The following LRMDA variants were observed in gnomAD, a reference collection of about 807,000 sequenced individuals.
LRMDA encodes leucine rich melanocyte differentiation associated, also known as leucine-rich melanocyte differentiation-associated protein.
LRMDA carries 18 observed loss-of-function variants against 29.8 expected under a neutral mutation model. The observed-to-expected ratio is 0.60, with a 90% CI of 0.42 to 0.90. The LOEUF (loss-of-function observed/expected upper bound fraction) is 0.90, where lower values mean the gene tolerates loss of function less well. Ranked by LOEUF, LRMDA falls within the 40% of genes least tolerant of loss-of-function variation. The pLI, the probability that LRMDA is intolerant of heterozygous loss-of-function variation, is 0.00. For missense variants in LRMDA, 273 were observed against 273.9 expected (o/e 1.00, Z 0.02); for synonymous variants, 125 against 109.4 (o/e 1.14, Z -0.89).
intron 2 of LRMDA, among the ~76,000 whole-genome samples, chr10:75,863,703 T>G (rs1350785056): frequency 1.3e-5 from 2 of 152,148 alleles, no homozygotes; most frequent in Non-Finnish European, 2.9e-5. Flanking sequence ...GAAATGCTAG[T>G]TATTACAACT....
At chr10:75,891,111 A>G (rs1455158018) in intron 2 of LRMDA, among the ~76,000 whole-genome samples, 2 of 136,716 alleles carry the variant, frequency 1.5e-5, no homozygotes, top group Admixed American at 7.3e-5. Flanking sequence ...TCTCACAAAA[A>G]AAAAAAAGAA....
chr10:75,479,556 C>G (rs2132052060), intron 2 of LRMDA, among the ~76,000 whole-genome samples: 1 of 151,476 alleles, frequency 6.6e-6, no homozygotes, highest in Non-Finnish European at 1.5e-5. Flanking sequence ...GGAAGGGCAT[C>G]AGGAAGAGGC....
At chr10:75,989,850 A>G (rs1429779298) in intron 2 of LRMDA, among the ~76,000 whole-genome samples, 2 of 152,120 alleles carry the variant, frequency 1.3e-5, no homozygotes, top group African/African-American at 2.4e-5. Flanking sequence ...TGGCTGATTC[A>G]GGCTTCTAGA....
intron 6 of LRMDA, among the ~76,000 whole-genome samples, chr10:76,401,626 C>T (rs1204043492): frequency 6.6e-6 from 1 of 152,150 alleles, no homozygotes; most frequent in Non-Finnish European, 1.5e-5. Context: ...GGCACAACCA[C>T]AGGGAGAGTT....
intron 5 of LRMDA, among the ~76,000 whole-genome samples, chr10:76,176,650 G>A (rs1193870967): frequency 2.0e-5 from 3 of 152,090 alleles, no homozygotes; most frequent in Non-Finnish European, 2.9e-5. Context: ...AAAATTAGCC[G>A]GGTGTGGTGG....
intron 2 of LRMDA, among the ~76,000 whole-genome samples, chr10:75,978,254 G>C (rs1357208303): frequency 6.6e-6 from 1 of 152,200 alleles, no homozygotes; most frequent in Non-Finnish European, 1.5e-5. Flanking sequence ...GTATTGCAGG[G>C]CTGGTGTGAT....
chr10:76,024,164 A>G (rs1848023111), intron 2 of LRMDA, among the ~76,000 whole-genome samples: 1 of 152,236 alleles, frequency 6.6e-6, no homozygotes, highest in Admixed American at 6.5e-5. Context: ...CCTCATCAGA[A>G]CAACACATTC....
intron 2 of LRMDA, among the ~76,000 whole-genome samples, chr10:75,860,288 G>A (rs1488398742): frequency 7.0e-6 from 1 of 143,402 alleles, no homozygotes; most frequent in Non-Finnish European, 1.5e-5. Context: ...TTCTTGGAAA[G>A]CTAGATCATT....
At chr10:75,455,926 C>G (rs1318598066) in intron 2 of LRMDA, among the ~76,000 whole-genome samples, 1 of 152,162 alleles carries the variant, frequency 6.6e-6, no homozygotes, top group South Asian at 2.1e-4. Flanking sequence ...ATGGTGAGAA[C>G]CTGATCTGTA....
chr10:76,533,515 G>T (rs138386290), intron 6 of LRMDA, among the ~76,000 whole-genome samples: 2 of 152,158 alleles, frequency 1.3e-5, no homozygotes, highest in Non-Finnish European at 2.9e-5. Context: ...AGAACAACTT[G>T]CTGTCATTCA....
intron 6 of LRMDA, among the ~76,000 whole-genome samples, chr10:76,455,020 G>C (rs1251806080): frequency 2.0e-5 from 3 of 152,132 alleles, no homozygotes; most frequent in Admixed American, 6.5e-5. Flanking sequence ...ATCCTAGAAT[G>C]CCAGAGTCGG....
chr10:75,756,435 C>T (rs1381185343), intron 2 of LRMDA, among the ~76,000 whole-genome samples: 1 of 152,166 alleles, frequency 6.6e-6, no homozygotes, highest in East Asian at 1.9e-4. Flanking sequence ...GTTAGAAGGA[C>T]CCTGATGACC....
intron 6 of LRMDA, among the ~76,000 whole-genome samples, chr10:76,383,647 G>A (rs1464737656): frequency 6.7e-6 from 1 of 149,858 alleles, no homozygotes; most frequent in African/African-American, 2.5e-5. Context: ...AGCCAGGATG[G>A]TCTCGATCTC....
chr10:75,852,350 G>A (rs1425661360), intron 2 of LRMDA, among the ~76,000 whole-genome samples: 1 of 152,098 alleles, frequency 6.6e-6, no homozygotes, highest in Admixed American at 6.6e-5. Context: ...GGTAAAAGGT[G>A]GGTGGGAAAT....
At chr10:75,753,431 T>C (rs897048256) in intron 2 of LRMDA, among the ~76,000 whole-genome samples, 1 of 152,164 alleles carries the variant, frequency 6.6e-6, no homozygotes, top group African/African-American at 2.4e-5. Flanking sequence ...AATTTTGATA[T>C]GGTGGCCACG....
intron 2 of LRMDA, among the ~76,000 whole-genome samples, chr10:76,008,338 C>T (rs944519641): frequency 1.3e-5 from 2 of 152,144 alleles, no homozygotes; most frequent in African/African-American, 4.8e-5. Context: ...TTTTGATTCC[C>T]ATTGACTGAA....
intron 6 of LRMDA, among the ~76,000 whole-genome samples, chr10:76,337,892 T>C (rs1194999960): frequency 6.6e-6 from 1 of 152,178 alleles, no homozygotes; most frequent in Non-Finnish European, 1.5e-5. Context: ...AGCTTAAGTT[T>C]CATTTTACTG....
At chr10:76,523,655 C>T (rs1008433793) in intron 6 of LRMDA, among the ~76,000 whole-genome samples, 2 of 152,092 alleles carry the variant, frequency 1.3e-5, no homozygotes, top group Non-Finnish European at 2.9e-5. Flanking sequence ...TATTTATGGT[C>T]CTCGTTCAGG....
At chr10:76,297,247 T>C (rs73289079) in intron 5 of LRMDA, among the ~76,000 whole-genome samples, 3,576 of 152,326 alleles carry the variant, frequency 0.023, 135 homozygotes, top group African/African-American at 0.08. Context: ...TTCCACTCTT[T>C]GGAAAGCATT....
Sources: gnomAD v4.1 joint callset for allele counts (sites outside exome capture counted in the v4.1 genomes callset) on GRCh38, gnomAD v4.1.1 for gene constraint, MANE v1.5 for transcripts, NCBI Gene and HGNC (gene_info 2026-07-23, HGNC 2026-07-21) for gene names.